BEND3: variants seen among roughly 807,000 people sequenced by gnomAD.
The protein encoded by BEND3 is BEN domain containing 3, also known as BEN domain-containing protein 3.
In BEND3, 13 loss-of-function variants were observed where a neutral mutation model predicts 60.1. The ratio of observed to expected loss-of-function variants is 0.22; its 90% CI spans 0.14 to 0.34. The LOEUF (loss-of-function observed/expected upper bound fraction) is 0.34. BEND3 is among the 10% of genes least tolerant of loss of function. The pLI is 1.00. For synonymous variants in BEND3, 497 were observed against 491.5 expected, an observed-to-expected ratio of 1.01 and a Z score of -0.15; for missense variants, 896 against 1,138.1, an observed-to-expected ratio of 0.79 and a Z score of 3.06.
At chr6:107,080,724 A>T (rs1183857243) in intron 3 of BEND3, among the ~76,000 whole-genome samples, 1 of 151,916 alleles carries the variant, frequency 6.6e-6, no homozygotes, top group Non-Finnish European at 1.5e-5. Flanking sequence ...TCTAATAAAA[A>T]TACAAAAAAA....
At chr6:107,076,606 G>A (rs926070336) in intron 3 of BEND3, among the ~76,000 whole-genome samples, 3 of 152,030 alleles carry the variant, frequency 2.0e-5, no homozygotes, top group Non-Finnish European at 2.9e-5. Flanking sequence ...CGTCTTCATC[G>A]CAACCCCAAA....
chr6:107,099,128 T>A, intron 2 of BEND3, 121 bp downstream of exon 2: 1 of 763,788 alleles, frequency 1.3e-6, no homozygotes, highest in Non-Finnish European at 2.2e-6. Context: ...GGGGAACAAG[T>A]GTGTGGGTGG....
chr6:107,100,225 G>T (rs1775676791), intron 1 of BEND3, among the ~76,000 whole-genome samples: 1 of 151,882 alleles, frequency 6.6e-6, no homozygotes, highest in African/African-American at 2.4e-5. Flanking sequence ...GGACTTACTG[G>T]GCTAAATACA....
At chr6:107,076,091 C>G (rs1554232745) in intron 3 of BEND3, among the ~76,000 whole-genome samples, 2 of 152,200 alleles carry the variant, frequency 1.3e-5, no homozygotes, top group African/African-American at 4.8e-5. Context: ...ACACAGAACA[C>G]AACACAAGCA....
At chr6:107,100,468 C>T (rs1402041344) in intron 1 of BEND3, among the ~76,000 whole-genome samples, 5 of 152,054 alleles carry the variant, frequency 3.3e-5, no homozygotes, top group African/African-American at 7.2e-5. Context: ...AGGGTTTCAT[C>T]GTGTTAGCCA....
chr6:107,070,861 A>G lies in BEND3; in HGVS notation c.330T>C (p.Asn110=). ...AGGGCTCCTCCTCTCCAGGCCACAC[A>G]TTGCCCAGGCTCCTGCCCCTGCCGG... The part of the protein sequence containing the change: ...EQAGRGRSLG[N]VWPGEEEPCN... Residue 110 remains asparagine, a synonymous_variant, in exon 4 of 4, where the codon AAT becomes AAC. Coordinates refer to ENST00000369042, the MANE Select transcript of BEND3 (RefSeq NM_001367314.1). This position sits in a 1 kb window ranked among gnomAD's most constrained non-coding sequence, Gnocchi z 6.9. 1 of 1,613,914 alleles carries G rather than the reference A, an allele frequency of 6.2e-7. No individual in the cohort carries two copies. The highest frequency in any genetic ancestry group is 8.5e-7 in the Non-Finnish European group (1 of 1,180,018).
chr6:107,089,929 T>G (rs1252056027), intron 3 of BEND3, among the ~76,000 whole-genome samples: 4 of 151,520 alleles, frequency 2.6e-5, no homozygotes, highest in African/African-American at 9.7e-5. Context: ...CCTATCAAAA[T>G]TCCAATGATA....
At chr6:107,091,940 T>A (rs184820275) in intron 3 of BEND3, among the ~76,000 whole-genome samples, 1 of 152,194 alleles carries the variant, frequency 6.6e-6, no homozygotes, top group Admixed American at 6.6e-5. Flanking sequence ...TAATTCTGTC[T>A]CCCACGTGGC....
intron 3 of BEND3, among the ~76,000 whole-genome samples, chr6:107,072,648 A>C (rs1384547720): frequency 1.3e-5 from 2 of 152,152 alleles, no homozygotes; most frequent in Non-Finnish European, 2.9e-5. Flanking sequence ...AATAAACAGA[A>C]AACTTTCATC....
At chr6:107,080,032 T>C (rs934235074) in intron 3 of BEND3, among the ~76,000 whole-genome samples, 3 of 152,012 alleles carry the variant, frequency 2.0e-5, no homozygotes, top group Admixed American at 6.6e-5. Flanking sequence ...CGCCTCACCC[T>C]TTCTACTTTT....
intron 2 of BEND3, 101 bp downstream of exon 2, chr6:107,099,148 T>G: frequency 1.0e-6 from 1 of 989,644 alleles, no homozygotes; most frequent in Non-Finnish European, 1.6e-6. Flanking sequence ...GAGGGGACTT[T>G]TCACTATATA....
At chr6:107,098,997 G>C (rs991996258) in intron 2 of BEND3, among the ~76,000 whole-genome samples, 3 of 152,042 alleles carry the variant, frequency 2.0e-5, no homozygotes, top group South Asian at 2.1e-4. Flanking sequence ...TCTTTTTTTG[G>C]GGGGGAAGAC....
rs267600755 is a variant in BEND3 at position 107,070,143 on chromosome 6, G to A, written c.1048C>T (p.Pro350Ser). ...WAQREMEDSQ[P>S]SGQVASFFEA... ...AAGAAGCTGGCGACCTGGCCGCTGG[G>A]CTGGCTGTCCTCCATTTCCCGCTGG... is the stretch of plus-strand genomic sequence containing the variant. Residue 350 changes from proline to serine, a missense_variant, in exon 4 of 4, where the codon CCC (proline) becomes TCC (serine). Pro to Ser is a moderately conservative substitution (Grantham distance 74, BLOSUM62 -1). This residue lies in a region of BEND3 where 846 missense variants were observed against 1,036.7 expected (regional missense o/e 0.82). Coordinates refer to ENST00000369042, the MANE Select transcript of BEND3 (RefSeq NM_001367314.1). This position sits in a 1 kb window ranked among gnomAD's most constrained non-coding sequence, Gnocchi z 6.9. The A allele has an allele frequency of 6.2e-7, 1 of 1,612,952 alleles. No homozygotes were observed. The highest frequency in any genetic ancestry group is 1.3e-5 in the African/African-American group (1 of 74,938).
chr6:107,071,870 G>T (rs545237802), intron 3 of BEND3, among the ~76,000 whole-genome samples: 14 of 152,226 alleles, frequency 9.2e-5, no homozygotes, highest in African/African-American at 3.4e-4. Context: ...ATGGCAGGGA[G>T]AATTCGATGG....
At position 107,093,377 on chromosome 6, in the gene BEND3, T is replaced by C. The variant is rs904150047; in HGVS notation, c.240+5174A>G. On this transcript the variant is annotated intron_variant, in intron 3 of 3. Transcript: ENST00000369042. ...TCAGGAGGCTGAGGCAGGAGAATGG[T>C]GTGAACCCGGGAGGCGGAGCTTGCA... Among the ~76,000 whole-genome samples, 5 of 151,108 alleles carry C rather than the reference T, an allele frequency of 3.3e-5. No homozygotes were observed. In the East Asian group the frequency reaches 7.8e-4, roughly 23 times the overall value.
chr6:107,077,995 A>G (rs530386392), intron 3 of BEND3, among the ~76,000 whole-genome samples: 2 of 152,318 alleles, frequency 1.3e-5, no homozygotes, highest in East Asian at 3.9e-4. Context: ...GCTCTTGAAC[A>G]CTGCCCCACT....
intron 2 of BEND3, 75 bp from the exon 3 acceptor site, chr6:107,098,828 CAGGGTG>C: frequency 7.4e-7 from 1 of 1,348,348 alleles, no homozygotes; most frequent in Non-Finnish European, 1.0e-6. Flanking sequence ...CTCTGAGCAG[CAGGGTG>C]TCTGTGGGCC....
In BEND3 at chr6:107,067,314, G is replaced by T. The variant is rs1411362132; in HGVS notation, c.*1390C>A. ...CTGGTATGACACACTGTTTGCATTCGACTGTTTCCTTTCCCTCTTAAGCAT... is the reference window on the plus strand; with the variant it reads ...CTGGTATGACACACTGTTTGCATTCTACTGTTTCCTTTCCCTCTTAAGCAT... On this transcript the variant is annotated 3_prime_UTR_variant, in exon 4 of 4. Transcript: ENST00000369042. 1 of 152,180 alleles carries T rather than the reference G, an allele frequency of 6.6e-6. No individual in the cohort carries two copies. Among genetic ancestry groups the T allele is most frequent in the Non-Finnish European group, 1.5e-5 (1 of 68,030 alleles). 9.4% of individuals were successfully genotyped at this position (152,180 alleles called of 1,614,324 possible). A position where few individuals can be genotyped will look rare whatever the true frequency, so the allele number is the denominator to read the frequency against.
chr6:107,095,193 C>T (rs556686367), intron 3 of BEND3, among the ~76,000 whole-genome samples: 11 of 152,052 alleles, frequency 7.2e-5, no homozygotes, highest in African/African-American at 2.7e-4. Flanking sequence ...ATAACATAAA[C>T]AAAAACACAA....
Sources: allele counts gnomAD v4.1 joint callset (sites outside exome capture counted in the v4.1 genomes callset), GRCh38; gene constraint gnomAD v4.1.1; regional missense constraint gnomAD v4.1.1; non-coding constraint Gnocchi (gnomAD v3.1); transcripts MANE v1.5; gene names NCBI Gene and HGNC (gene_info 2026-07-23, HGNC 2026-07-21).